The following LRRC17 variants were observed in gnomAD, a reference collection of about 807,000 sequenced individuals.
LRRC17 encodes leucine rich repeat containing 17, also known as leucine-rich repeat-containing protein 17.
Under a neutral mutation model 41.5 loss-of-function variants are expected in LRRC17, and 33 were observed. That is an observed-to-expected ratio of 0.80 (90% CI 0.60 to 1.06). LRRC17 has a LOEUF of 1.06. LRRC17 is among the 50% of genes least tolerant of loss of function. LRRC17 has a pLI of 0.00. For synonymous variants in LRRC17, 192 were observed against 197.0 expected (o/e 0.97, Z 0.21); for missense variants, 491 against 519.3 (o/e 0.95, Z 0.53).
intron 1 of LRRC17, chr7:102,926,184 G>C: frequency 9.6e-7 from 1 of 1,036,808 alleles, no homozygotes; most frequent in East Asian, 2.6e-5. Flanking sequence ...TGTTGATAAA[G>C]GGAGCACTGC....
Position 102,933,809 on chromosome 7 carries a change from G to C in LRRC17, c.-105G>C. 2 of 1,257,830 alleles carry C rather than the reference G, an allele frequency of 1.6e-6. No individual in the cohort carries two copies. The highest frequency in any genetic ancestry group is 2.7e-4 in the Middle Eastern group (1 of 3,694). 77.9% of individuals were successfully genotyped at this position (1,257,830 alleles called of 1,614,324 possible). A position where few individuals can be genotyped will look rare whatever the true frequency, so the allele number is the denominator to read the frequency against. On this transcript the variant is annotated 5_prime_UTR_variant, in exon 2 of 4. Transcript: ENST00000339431. ...CCACGTACCCCAGCTGGGTCTCATT[G>C]TTCCAGAACTGCATTAGTTAAGATT...
intron 2 of LRRC17, among the ~76,000 whole-genome samples, chr7:102,937,775 C>G (rs1001767430): frequency 6.6e-6 from 1 of 152,074 alleles, no homozygotes; most frequent in Non-Finnish European, 1.5e-5. Flanking sequence ...TTTAAGCAAC[C>G]ATTGAAAGTG....
At chr7:102,934,817 C>A in intron 2 of LRRC17, 132 bp downstream of exon 2, 1 of 860,434 alleles carries the variant, frequency 1.2e-6, no homozygotes, top group Non-Finnish European at 1.8e-6. Context: ...TCCCTATTGA[C>A]AATGGAATTT....
chr7:102,923,027 G>T (rs1301775722), intron 1 of LRRC17, among the ~76,000 whole-genome samples: 1 of 152,030 alleles, frequency 6.6e-6, no homozygotes, highest in African/African-American at 2.4e-5. Context: ...ATTGAAGAAT[G>T]ATTACAGTTC....
intron 2 of LRRC17, among the ~76,000 whole-genome samples, chr7:102,938,469 G>A (rs542745623): frequency 6.6e-6 from 1 of 152,298 alleles, no homozygotes; most frequent in South Asian, 2.1e-4. Context: ...ATTACCTGGA[G>A]AAATTTCCTA....
intron 1 of LRRC17, among the ~76,000 whole-genome samples, chr7:102,913,667 G>A (rs918575579): frequency 6.6e-6 from 1 of 152,218 alleles, no homozygotes; most frequent in African/African-American, 2.4e-5. Flanking sequence ...ACTGTTACAG[G>A]AGAGTGAGGA....
intron 1 of LRRC17, among the ~76,000 whole-genome samples, chr7:102,923,997 TGG>T (rs1298275938): frequency 6.6e-6 from 1 of 152,154 alleles, no homozygotes; most frequent in African/African-American, 2.4e-5. Context: ...CCCAGCACTT[TGG>T]GAGGCCAAGG....
chr7:102,923,215 C>T (rs1432745618), intron 1 of LRRC17, among the ~76,000 whole-genome samples: 2 of 152,150 alleles, frequency 1.3e-5, no homozygotes, highest in South Asian at 2.1e-4. Flanking sequence ...GTCGTGGCTA[C>T]AGACATGACC....
chr7:102,920,104 G>C (rs1584939555), intron 1 of LRRC17, among the ~76,000 whole-genome samples: 1 of 152,188 alleles, frequency 6.6e-6, no homozygotes, highest in East Asian at 1.9e-4. Flanking sequence ...AAGTGTATTA[G>C]ATCACTGTGT....
At chr7:102,934,762 C>T (rs1819964910) in intron 2 of LRRC17, 77 bp downstream of exon 2, 1 of 1,254,026 alleles carries the variant, frequency 8.0e-7, no homozygotes, top group Non-Finnish European at 1.1e-6. Flanking sequence ...TCCCTACATC[C>T]CACCATGTCT....
chr7:102,917,930 C>A (rs1247065027), intron 1 of LRRC17, among the ~76,000 whole-genome samples: 2 of 152,052 alleles, frequency 1.3e-5, no homozygotes, highest in African/African-American at 4.8e-5. Flanking sequence ...TTTAGGCAGC[C>A]CTCATTTTCA....
intron 1 of LRRC17, chr7:102,926,180 T>C: frequency 3.0e-6 from 3 of 998,152 alleles, no homozygotes; most frequent in Middle Eastern, 4.8e-4. Context: ...GGGGTGTTGA[T>C]AAAGGGAGCA....
At chr7:102,913,267 A>G in intron 1 of LRRC17, 122 bp downstream of exon 1, 1 of 1,608,512 alleles carries the variant, frequency 6.2e-7, no homozygotes. Context: ...TTGTTCTCTC[A>G]AATCTTTCTT....
At chr7:102,932,028 A>T in intron 1 of LRRC17, 4 of 1,156,662 alleles carry the variant, frequency 3.5e-6, no homozygotes, top group Non-Finnish European at 3.7e-6. Flanking sequence ...ATTCATTAGA[A>T]AACAAACAAA....
At position 102,914,360 on chromosome 7, in the gene LRRC17, C is replaced by T. The variant is rs903691637; in HGVS notation, c.-141+1215C>T. On this transcript the variant is annotated intron_variant, in intron 1 of 3. Coordinates refer to ENST00000339431, the MANE Select transcript of LRRC17 (RefSeq NM_001031692.3). ...AGTGCTCGGAACAGGCATGAGCCAC[C>T]GTGCCCAGAAAGCCTGGCACTTTTT... Among the ~76,000 whole-genome samples, 8 of 152,206 alleles carry T rather than the reference C, an allele frequency of 5.3e-5. No homozygotes were observed. In the East Asian group the frequency reaches 5.8e-4, roughly 11 times the overall value.
At chr7:102,944,179 C>G (rs1471586598) in intron 3 of LRRC17, 31 bp from the exon 4 acceptor site, 5 of 1,564,494 alleles carry the variant, frequency 3.2e-6, no homozygotes, top group African/African-American at 2.7e-5. Context: ...AACTCAATTA[C>G]TCAGGCTCAA....
At chr7:102,924,642 T>TG (rs1027636329) in intron 1 of LRRC17, among the ~76,000 whole-genome samples, 9 of 36,662 alleles carry the variant, frequency 2.5e-4, no homozygotes, top group Non-Finnish European at 9.4e-4. Flanking sequence ...TAAGCTTTTC[T>TG]TTTTTTTTTT....
At position 102,913,026 on chromosome 7, in the gene LRRC17, A is replaced by G; in HGVS notation, c.-260A>G. ...TTAGTATAACGTGAGGGCTGAATGC[A>G]GCCCATTCTCTGGAGAACTTCCTCA... On this transcript the variant is annotated 5_prime_UTR_variant, in exon 1 of 4. Transcript: ENST00000339431. 6.2e-7 allele frequency: 1 copy of G among 1,610,784 alleles called. No individual in the cohort carries two copies.
At chr7:102,930,639 C>G (rs1259227980) in intron 1 of LRRC17, among the ~76,000 whole-genome samples, 1 of 152,192 alleles carries the variant, frequency 6.6e-6, no homozygotes, top group Admixed American at 6.5e-5. Flanking sequence ...TACTCACTTT[C>G]ATTTTGTGAT....
Sources: gnomAD v4.1 joint callset for allele counts (sites outside exome capture counted in the v4.1 genomes callset) on GRCh38, gnomAD v4.1.1 for gene constraint, MANE v1.5 for transcripts, NCBI Gene and HGNC (gene_info 2026-07-23, HGNC 2026-07-21) for gene names.